CEP120: variants seen among roughly 807,000 people sequenced by gnomAD.
The protein encoded by CEP120 is centrosomal protein 120.
CEP120 carries 113 observed loss-of-function variants against 126.5 expected under a neutral mutation model. The observed-to-expected ratio is 0.89, with a 90% CI of 0.77 to 1.04. CEP120 has a LOEUF of 1.04. CEP120 is among the 50% of genes least tolerant of loss of function. The pLI is 0.00. For missense variants in CEP120, 1,230 were observed against 1,155.7 expected (o/e 1.06, Z -0.93); for synonymous variants, 400 against 394.3 (o/e 1.01, Z -0.17).
chr5:123,416,512 A>C (rs1290663905), intron 2 of CEP120, among the ~76,000 whole-genome samples: 2 of 152,188 alleles, frequency 1.3e-5, no homozygotes, highest in African/African-American at 2.4e-5. Flanking sequence ...CGGAGGTTGC[A>C]GTGAGCCGAG....
chr5:123,368,126 G>C (rs1324548214), intron 17 of CEP120, among the ~76,000 whole-genome samples: 28 of 151,856 alleles, frequency 1.8e-4, no homozygotes, highest in Non-Finnish European at 3.7e-4. Flanking sequence ...TATGTTTAAT[G>C]ATTTCTATCC....
At chr5:123,403,125 A>G (rs1283439820) in intron 4 of CEP120, 1 of 364,714 alleles carries the variant, frequency 2.7e-6, no homozygotes, top group African/African-American at 2.1e-5. Flanking sequence ...GTATGTATTT[A>G]TATGTGTGTG....
Position 123,423,220 on chromosome 5 carries a change from G to T in CEP120, c.-222C>A. On this transcript the variant is annotated 5_prime_UTR_variant, in exon 1 of 20. Transcript: ENST00000306467. Reference sequence around the variant, plus strand: ...GATCCTAACTGTGCCCCGACTCAAGGAAAAAGCCACGCTGCAGCCCTGCCA... The same window carrying T: ...GATCCTAACTGTGCCCCGACTCAAGTAAAAAGCCACGCTGCAGCCCTGCCA... The T allele has an allele frequency of 1.8e-6, 1 of 562,552 alleles. No homozygotes were observed. 34.8% of individuals were successfully genotyped at this position (562,552 alleles called of 1,614,324 possible).
intron 1 of CEP120, among the ~76,000 whole-genome samples, chr5:123,418,731 G>T (rs1774533132): frequency 6.6e-6 from 1 of 151,844 alleles, no homozygotes; most frequent in African/African-American, 2.4e-5. Context: ...CAAGTAGCTG[G>T]GATTACAGGT....
At chr5:123,409,476 C>A (rs186429398) in intron 4 of CEP120, among the ~76,000 whole-genome samples, 16 of 151,106 alleles carry the variant, frequency 1.1e-4, no homozygotes, top group Admixed American at 9.9e-4. Context: ...AAATATAATT[C>A]ATCAGGTACA....
In CEP120 at chr5:123,423,032, TG is replaced by T. The variant is rs776117686; in HGVS notation, c.-35del. 1.8e-5 allele frequency: 28 copies of T among 1,594,166 alleles called. No homozygotes were observed. The highest frequency in any genetic ancestry group is 7.7e-6 in the Non-Finnish European group (9 of 1,162,576). On this transcript the variant is annotated 5_prime_UTR_variant, in exon 1 of 20. Transcript: ENST00000306467. Reference sequence around the variant, plus strand: ...TGAGCGGTCCGGGGGCGAAGGCGGCTGGGGGGAAGTGAGGTCCAGTTGAGTC... The same window carrying T: ...TGAGCGGTCCGGGGGCGAAGGCGGCTGGGGGAAGTGAGGTCCAGTTGAGTC...
At chr5:123,361,737 C>T (rs17473412) in intron 18 of CEP120, among the ~76,000 whole-genome samples, 28,403 of 151,730 alleles carry the variant, frequency 0.19, 3,104 homozygotes, top group Middle Eastern at 0.25. Context: ...ACTGACTGAA[C>T]GCACCACCAC....
rs56756568 is a variant in CEP120 at position 123,414,971 on chromosome 5, CAAAAAAAAAAAAA to C, written c.321+1026_321+1038del. Reference sequence around the variant, plus strand: ...TGGGCAACAGAGCAAGACTCCATCTCAAAAAAAAAAAAAAAAAAAAAAAAAAAAAAAGCCCTAA... The same window carrying C: ...TGGGCAACAGAGCAAGACTCCATCTCAAAAAAAAAAAAAAAAAAGCCCTAA... On this transcript the variant is annotated intron_variant, in intron 3 of 19. Transcript: ENST00000306467. 7.1e-3 allele frequency among the ~76,000 whole-genome samples: 289 copies of C among 40,668 alleles called. 2 individuals are homozygous for C. The highest frequency in any genetic ancestry group is 0.03 in the African/African-American group (257 of 8,654). 26.7% of individuals were successfully genotyped at this position (40,668 alleles called of 152,430 possible).
In CEP120 at chr5:123,423,364, G is replaced by A. The variant is rs982276552; in HGVS notation, c.-366C>T. 18 of 324,918 alleles carry A rather than the reference G, an allele frequency of 5.5e-5. No homozygotes were observed. The highest frequency in any genetic ancestry group is 9.8e-5 in the Non-Finnish European group (17 of 174,028). The allele number at this position is 324,918 out of a possible 1,614,324, so 20.1% of individuals were successfully genotyped here. ...GCGCCCAGCTTCCGCCTAGCAACCA[G>A]GCCCGCAGGCCCAGTGCCCAGGGGA... is the stretch of plus-strand genomic sequence containing the variant. On this transcript the variant is annotated 5_prime_UTR_variant, in exon 1 of 20. Transcript: ENST00000306467.
chr5:123,388,667 T>A, intron 8 of CEP120, 61 bp from the exon 9 acceptor site: 1 of 1,337,650 alleles, frequency 7.5e-7, no homozygotes, highest in Non-Finnish European at 1.0e-6. Context: ...TCTTAAATTG[T>A]ACAGATAGTT....
At chr5:123,409,233 A>G (rs1460601016) in intron 4 of CEP120, among the ~76,000 whole-genome samples, 1 of 152,204 alleles carries the variant, frequency 6.6e-6, no homozygotes, top group East Asian at 1.9e-4. Context: ...TCCATTATCT[A>G]TTAATGATAA....
chr5:123,346,514 T>C lies in CEP120; in HGVS notation c.*5A>G, dbSNP rs763653254. The C allele has an allele frequency of 2.5e-6, 4 of 1,596,948 alleles. No homozygotes were observed. The highest frequency in any genetic ancestry group is 2.6e-6 in the Non-Finnish European group (3 of 1,168,220). On this transcript the variant is annotated 3_prime_UTR_variant, in exon 20 of 20. Transcript: ENST00000306467. ...AGAGTCTCTATAAAGCTTTTCCAAA[T>C]GTTATTAATTACTGGCATTGCTTTT... is the stretch of plus-strand genomic sequence containing the variant.
At chr5:123,401,031 C>G in intron 4 of CEP120, 1 of 1,568,702 alleles carries the variant, frequency 6.4e-7, no homozygotes, top group Non-Finnish European at 8.7e-7. Context: ...GGCGCCCAGG[C>G]CGTAGCTGAG....
chr5:123,382,886 C>T lies in CEP120; in HGVS notation c.1864G>A (p.Val622Ile), dbSNP rs766153970. Residue 622 changes from valine to isoleucine, a missense_variant, in exon 13 of 20, where the codon GTA becomes ATA. Transcript: ENST00000306467. ...GACGGCTTTTGCTGTACGGCAGATA[C>T]ACCCTAAGAGATGAACCAAAAAGTA... ...EIFISDSSQG[V>I]SAVQQKPSSL... is the part of the protein sequence containing the mutation. The T allele has an allele frequency of 4.3e-5, 69 of 1,612,910 alleles. No homozygotes were observed. The highest frequency in any genetic ancestry group is 5.6e-5 in the Non-Finnish European group (66 of 1,179,476).
intron 17 of CEP120, among the ~76,000 whole-genome samples, chr5:123,368,371 T>C (rs1770619718): frequency 6.6e-6 from 1 of 151,980 alleles, no homozygotes; most frequent in Non-Finnish European, 1.5e-5. Flanking sequence ...GCTTCAAATA[T>C]TTCTGGTAGG....
chr5:123,349,562 C>T (rs1449409753), intron 19 of CEP120, among the ~76,000 whole-genome samples: 1 of 152,056 alleles, frequency 6.6e-6, no homozygotes, highest in African/African-American at 2.4e-5. Context: ...TAAATGGAAA[C>T]ACAAGAGCTG....
chr5:123,422,969 G>C lies in CEP120; in HGVS notation c.30C>G (p.Ile10Met), dbSNP rs993259589. Reference protein sequence around the residue: MVSKSDQLLIVVSILEGRHF... With the variant: MVSKSDQLLMVVSILEGRHF... Reference sequence around the variant, plus strand: ...GCTCACCTTCTAGGATGGACACGACGATGAGCAATTGGTCGGATTTGGAGA... The same window carrying C: ...GCTCACCTTCTAGGATGGACACGACCATGAGCAATTGGTCGGATTTGGAGA... Residue 10 changes from isoleucine to methionine, a missense_variant, in exon 1 of 20, where the codon ATC (isoleucine) becomes ATG (methionine). Ile to Met is a conservative substitution (Grantham distance 10). Transcript: ENST00000306467. 6.2e-7 allele frequency: 1 copy of C among 1,614,062 alleles called. No individual in the cohort carries two copies. The highest frequency in any genetic ancestry group is 1.3e-5 in the African/African-American group (1 of 74,948).
rs768112055 is a variant in CEP120, at chr5:123,346,687, G to A, written c.2793C>T (p.Gly931=). 1 of 1,613,240 alleles carries A rather than the reference G, an allele frequency of 6.2e-7. No individual in the cohort carries two copies. Residue 931 remains glycine, a synonymous_variant, in exon 20 of 20, where the codon GGC becomes GGT. Transcript: ENST00000306467. ...CTTCTTCCAATACACTGCCATGGGG[G>A]CCATCCTTTTTTCCACTTGCAATCT... ...STEIASGKKD[G]PHGSVLEEGL... is the part of the protein sequence containing the mutation.
At chr5:123,380,974 C>T (rs906567696) in intron 14 of CEP120, among the ~76,000 whole-genome samples, 9 of 151,910 alleles carry the variant, frequency 5.9e-5, no homozygotes, top group African/African-American at 2.2e-4. Flanking sequence ...TTATTTTTGT[C>T]TTTCAGCTTT....
Sources: allele counts gnomAD v4.1 joint callset (sites outside exome capture counted in the v4.1 genomes callset), GRCh38; gene constraint gnomAD v4.1.1; transcripts MANE v1.5; gene names NCBI Gene and HGNC (gene_info 2026-07-23, HGNC 2026-07-21).